The following CELF2 variants were observed in gnomAD, a reference collection of about 807,000 sequenced individuals.
CELF2 encodes the protein CUGBP Elav-like family member 2.
CELF2 carries 8 observed loss-of-function variants against 62.6 expected under a neutral mutation model. That is an observed-to-expected ratio of 0.13 (90% confidence interval 0.07 to 0.23). The LOEUF (loss-of-function observed/expected upper bound fraction) is 0.23, where lower values mean the gene tolerates loss of function less well. Ranked by LOEUF, CELF2 falls within the 10% of genes least tolerant of loss-of-function variation. The probability of loss-of-function intolerance (pLI) is 1.00; values close to 1 mark genes in which losing one functional copy is unlikely to be tolerated. For missense variants in CELF2, 333 were observed against 671.0 expected (o/e 0.50, Z 5.56); for synonymous variants, 258 against 250.0 (o/e 1.03, Z -0.30).
chr10:10,833,811 A>T (rs937706387), intron 1 of CELF2, among the ~76,000 whole-genome samples: 1 of 152,202 alleles, frequency 6.6e-6, no homozygotes, highest in African/African-American at 2.4e-5. Context: ...GTCAAAAAAT[A>T]ACAGATGCTG....
the CELF2 span, among the ~76,000 whole-genome samples, chr10:10,660,870 A>G: frequency 3.4e-4 from 52 of 152,212 alleles, no homozygotes; most frequent in African/African-American, 1.2e-3. Context: ...ATTGAACCCA[A>G]ATGGAAAATT....
At chr10:11,090,013 G>A (rs2047882123) in intron 1 of CELF2, among the ~76,000 whole-genome samples, 1 of 152,056 alleles carries the variant, frequency 6.6e-6, no homozygotes, top group South Asian at 2.1e-4. Context: ...TAGACACCAG[G>A]AACTCCAAAG....
intron 1 of CELF2, among the ~76,000 whole-genome samples, chr10:10,810,601 C>T (rs779718792): frequency 3.3e-5 from 5 of 152,020 alleles, no homozygotes; most frequent in Middle Eastern, 3.4e-3. Context: ...GAGCCAGGGG[C>T]GGCTCTAAGG....
intron 1 of CELF2, among the ~76,000 whole-genome samples, chr10:11,009,231 T>C (rs555190853): frequency 2.6e-5 from 4 of 152,160 alleles, no homozygotes; most frequent in African/African-American, 9.6e-5. Context: ...TTGTAGCCCA[T>C]TCAGAATTAA....
At chr10:11,099,392 CA>C (rs1196644087) in intron 1 of CELF2, among the ~76,000 whole-genome samples, 1 of 152,138 alleles carries the variant, frequency 6.6e-6, no homozygotes, top group Non-Finnish European at 1.5e-5. Flanking sequence ...ATCTGTTTTT[CA>C]ATAAATTCTG....
chr10:10,670,103 T>C, the CELF2 span, among the ~76,000 whole-genome samples: 3 of 152,104 alleles, frequency 2.0e-5, no homozygotes, highest in Non-Finnish European at 4.4e-5. Context: ...GGTTTTGCCA[T>C]GTTGGTCTGG....
At chr10:11,113,248 A>T (rs1226649545) in intron 1 of CELF2, among the ~76,000 whole-genome samples, 1 of 152,236 alleles carries the variant, frequency 6.6e-6, no homozygotes, top group East Asian at 1.9e-4. Flanking sequence ...CAAAAGGAAA[A>T]TCAAGATTGT....
chr10:10,919,802 T>G (rs951217640), intron 1 of CELF2, among the ~76,000 whole-genome samples: 6 of 152,262 alleles, frequency 3.9e-5, no homozygotes, highest in Admixed American at 2.0e-4. Context: ...CAATGGGAAT[T>G]AATCAGAAAT....
the CELF2 span, among the ~76,000 whole-genome samples, chr10:10,516,049 T>A: frequency 6.6e-6 from 1 of 152,176 alleles, no homozygotes; most frequent in African/African-American, 2.4e-5. Context: ...GATACTGGAC[T>A]GAGGAAATGA....
chr10:11,184,627 A>T (rs1049990500), intron 2 of CELF2, among the ~76,000 whole-genome samples: 2 of 152,168 alleles, frequency 1.3e-5, no homozygotes, highest in Non-Finnish European at 2.9e-5. Context: ...CCCTAGTCAG[A>T]TTTATCCCTA....
intron 1 of CELF2, among the ~76,000 whole-genome samples, chr10:11,132,535 G>A (rs115910199): frequency 3.9e-5 from 6 of 152,164 alleles, no homozygotes; most frequent in African/African-American, 7.2e-5. Flanking sequence ...CAGCCTGATC[G>A]TGAATACTCA....
At position 11,155,494 on chromosome 10, in the gene CELF2, T is replaced by C. The variant is rs78933097; in HGVS notation, c.75-9992T>C. 8.6e-3 allele frequency among the ~76,000 whole-genome samples: 1,304 copies of C among 152,276 alleles called. 22 individuals carry two copies. The highest frequency in any genetic ancestry group is 0.03 in the African/African-American group (1,252 of 41,548). ...CATGAGAGATCTTGGAGGAGTGGGT[T>C]GAAGAGTTCTCCAGAGACCTCAAAG... On this transcript the variant is annotated intron_variant, in intron 1 of 12. Transcript: ENST00000633077.
At chr10:11,218,187 T>G (rs534534035) in intron 3 of CELF2, among the ~76,000 whole-genome samples, 2 of 152,342 alleles carry the variant, frequency 1.3e-5, no homozygotes, top group South Asian at 4.1e-4. Context: ...TTCATGCTAT[T>G]AATTTCCTGA....
At chr10:10,522,821 C>T in the CELF2 span, among the ~76,000 whole-genome samples, 26 of 152,254 alleles carry the variant, frequency 1.7e-4, no homozygotes, top group Non-Finnish European at 3.1e-4. Flanking sequence ...CCACCTGCCT[C>T]GGCCTCCCAA....
the CELF2 span, among the ~76,000 whole-genome samples, chr10:10,491,227 T>G: frequency 6.6e-6 from 1 of 152,202 alleles, no homozygotes; most frequent in Non-Finnish European, 1.5e-5. Context: ...TTCACTGACA[T>G]TAAAATCTAT....
chr10:10,504,029 AC>A, the CELF2 span, among the ~76,000 whole-genome samples: 2 of 151,968 alleles, frequency 1.3e-5, no homozygotes, highest in Non-Finnish European at 2.9e-5. Flanking sequence ...CTCTTACAAC[AC>A]CCCTGTTTAT....
At chr10:10,696,677 CGA>C in the CELF2 span, among the ~76,000 whole-genome samples, 1 of 152,004 alleles carries the variant, frequency 6.6e-6, no homozygotes, top group Non-Finnish European at 1.5e-5. Flanking sequence ...TAGGACCCTC[CGA>C]GCCAGGTGTG....
chr10:11,249,823 A>T (rs2076617429), intron 4 of CELF2, among the ~76,000 whole-genome samples: 1 of 152,204 alleles, frequency 6.6e-6, no homozygotes, highest in Admixed American at 6.5e-5. Context: ...GTTGATAGCC[A>T]CATTTCCCTC....
At chr10:10,502,203 T>A in the CELF2 span, among the ~76,000 whole-genome samples, 8 of 140,126 alleles carry the variant, frequency 5.7e-5, no homozygotes, top group African/African-American at 2.0e-4. Context: ...TCCTGAGGGA[T>A]ATTGATTTGC....
Sources: gnomAD v4.1 joint callset for allele counts (sites outside exome capture counted in the v4.1 genomes callset) on GRCh38, gnomAD v4.1.1 for gene constraint, MANE v1.5 for transcripts, NCBI Gene and HGNC (gene_info 2026-07-23, HGNC 2026-07-21) for gene names.